The following RAP1GDS1 variants were observed in gnomAD, a reference collection of about 807,000 sequenced individuals.
The protein encoded by RAP1GDS1 is RAP1, GTP-GDP dissociation stimulator 1.
A neutral mutation model predicts 71.1 loss-of-function variants in RAP1GDS1; 35 were observed. The ratio of observed to expected loss-of-function variants is 0.49; its 90% CI spans 0.38 to 0.65. RAP1GDS1 has a LOEUF of 0.65. RAP1GDS1 is among the 30% of genes least tolerant of loss of function. The pLI is 0.00. For missense variants in RAP1GDS1, 663 were observed against 706.1 expected (o/e 0.94, Z 0.69); for synonymous variants, 229 against 243.1 (o/e 0.94, Z 0.54).
At chr4:98,352,344 A>T in intron 3 of RAP1GDS1, 132 bp from the exon 4 acceptor site, 1 of 931,168 alleles carries the variant, frequency 1.1e-6, no homozygotes, top group Non-Finnish European at 1.6e-6. Flanking sequence ...TACTCTTCAA[A>T]TATTCAGCCA....
At chr4:98,347,627 T>G (rs563216311) in intron 3 of RAP1GDS1, among the ~76,000 whole-genome samples, 159 of 152,352 alleles carry the variant, frequency 1.0e-3, no homozygotes, top group African/African-American at 3.7e-3. Context: ...CGTTGATTTC[T>G]ATTCACTGTC....
At chr4:98,283,735 T>C (rs1725549584) in intron 1 of RAP1GDS1, among the ~76,000 whole-genome samples, 1 of 152,066 alleles carries the variant, frequency 6.6e-6, no homozygotes, top group South Asian at 2.1e-4. Context: ...GTTAAACACT[T>C]ATTGAAAGCT....
intron 5 of RAP1GDS1, among the ~76,000 whole-genome samples, 170 bp from the exon 6 acceptor site, chr4:98,391,782 A>ATGTT (rs1323989719): frequency 6.6e-6 from 1 of 152,198 alleles, no homozygotes; most frequent in African/African-American, 2.4e-5. Flanking sequence ...TTCTGAACTA[A>ATGTT]TGTTTAAAAT....
chr4:98,284,741 C>T (rs777536001), intron 1 of RAP1GDS1, among the ~76,000 whole-genome samples: 2 of 152,160 alleles, frequency 1.3e-5, no homozygotes, highest in Non-Finnish European at 2.9e-5. Flanking sequence ...TGTTGGAATA[C>T]CAGCCTGCTT....
chr4:98,417,643 A>T, intron 9 of RAP1GDS1, 145 bp downstream of exon 9: 1 of 723,964 alleles, frequency 1.4e-6, no homozygotes, highest in Non-Finnish European at 2.1e-6. Flanking sequence ...AGAAATCTGA[A>T]ATACTTAGTG....
chr4:98,369,260 A>C (rs964379764), intron 4 of RAP1GDS1, among the ~76,000 whole-genome samples: 1 of 152,192 alleles, frequency 6.6e-6, no homozygotes, highest in African/African-American at 2.4e-5. Flanking sequence ...ACACAGCCAG[A>C]CCATATCATA....
At chr4:98,344,909 T>C (rs1001689194) in intron 3 of RAP1GDS1, among the ~76,000 whole-genome samples, 1 of 152,114 alleles carries the variant, frequency 6.6e-6, no homozygotes, top group African/African-American at 2.4e-5. Context: ...ACTGCAGCCT[T>C]GACCTCCCAG....
chr4:98,394,399 G>A (rs1014228652), intron 6 of RAP1GDS1, among the ~76,000 whole-genome samples: 1 of 152,134 alleles, frequency 6.6e-6, no homozygotes, highest in African/African-American at 2.4e-5. Flanking sequence ...TAATGGAAGA[G>A]GGTGGGCTTT....
At chr4:98,308,330 T>TATATATATATATGC (rs1388878570) in intron 2 of RAP1GDS1, among the ~76,000 whole-genome samples, 1 of 138,396 alleles carries the variant, frequency 7.2e-6, no homozygotes, top group African/African-American at 2.8e-5. Flanking sequence ...TATATATATA[T>TATATATATATATGC]ATGCGCCAGG....
At chr4:98,295,210 C>T (rs1727558608) in intron 2 of RAP1GDS1, among the ~76,000 whole-genome samples, 1 of 152,032 alleles carries the variant, frequency 6.6e-6, no homozygotes, top group Non-Finnish European at 1.5e-5. Context: ...AAGCCCATTG[C>T]GGACTTATTC....
At chr4:98,327,011 A>G (rs1733212653) in intron 2 of RAP1GDS1, among the ~76,000 whole-genome samples, 1 of 152,112 alleles carries the variant, frequency 6.6e-6, no homozygotes, top group Non-Finnish European at 1.5e-5. Flanking sequence ...GCCTTGATTA[A>G]CCTGTTTATG....
chr4:98,340,201 T>C (rs1331629774), intron 2 of RAP1GDS1, among the ~76,000 whole-genome samples: 2 of 152,152 alleles, frequency 1.3e-5, no homozygotes, highest in Non-Finnish European at 2.9e-5. Flanking sequence ...GGAATAGAAA[T>C]CATTCTACGA....
chr4:98,336,064 G>C (rs1734677445), intron 2 of RAP1GDS1, among the ~76,000 whole-genome samples: 1 of 151,804 alleles, frequency 6.6e-6, no homozygotes, highest in Non-Finnish European at 1.5e-5. Flanking sequence ...TTTCCCCCAG[G>C]GTATCTGACA....
chr4:98,431,080 TA>T (rs1750329598), intron 12 of RAP1GDS1, among the ~76,000 whole-genome samples: 1 of 152,194 alleles, frequency 6.6e-6, no homozygotes, highest in South Asian at 2.1e-4. Context: ...ACCAGGAATA[TA>T]AAAACTCCCT....
At chr4:98,379,910 A>T (rs961559886) in intron 5 of RAP1GDS1, among the ~76,000 whole-genome samples, 1 of 151,878 alleles carries the variant, frequency 6.6e-6, no homozygotes, top group Admixed American at 6.6e-5. Context: ...GGTTTGTTTC[A>T]TAATGGCATT....
chr4:98,312,537 G>A (rs1376358937), intron 2 of RAP1GDS1, among the ~76,000 whole-genome samples: 1 of 152,108 alleles, frequency 6.6e-6, no homozygotes, highest in Non-Finnish European at 1.5e-5. Context: ...TAGGGCAGAG[G>A]TTGATACTAT....
chr4:98,326,918 T>C (rs1733193848), intron 2 of RAP1GDS1, among the ~76,000 whole-genome samples: 1 of 152,198 alleles, frequency 6.6e-6, no homozygotes, highest in Admixed American at 6.5e-5. Context: ...GTCGTTTTTC[T>C]ACTCTGATAC....
chr4:98,404,637 C>T (rs755095493), intron 7 of RAP1GDS1, 35 bp downstream of exon 7: 4 of 1,584,518 alleles, frequency 2.5e-6, no homozygotes, highest in Non-Finnish European at 3.4e-6. Flanking sequence ...GATTTTTGAT[C>T]ATGTATGCTT....
intron 2 of RAP1GDS1, among the ~76,000 whole-genome samples, chr4:98,301,929 C>A (rs1728637516): frequency 6.6e-6 from 1 of 152,014 alleles, no homozygotes; most frequent in Admixed American, 6.6e-5. Flanking sequence ...TACTAATTAC[C>A]CCACTTTGGT....
Sources: allele counts gnomAD v4.1 joint callset (sites outside exome capture counted in the v4.1 genomes callset), GRCh38; gene constraint gnomAD v4.1.1; transcripts MANE v1.5; gene names NCBI Gene and HGNC (gene_info 2026-07-23, HGNC 2026-07-21).